The following PARP10 variants were observed in gnomAD, a reference collection of about 807,000 sequenced individuals.
PARP10 encodes protein mono-ADP-ribosyltransferase PARP10.
Under a neutral mutation model 82.4 loss-of-function variants are expected in PARP10, and 56 were observed. The ratio of observed to expected loss-of-function variants is 0.68; its 90% CI spans 0.55 to 0.85. PARP10 has a LOEUF of 0.85. PARP10 is among the 40% of genes least tolerant of loss of function. The pLI, the probability that PARP10 is intolerant of heterozygous loss-of-function variation, is 0.00. For synonymous variants in PARP10, 576 were observed against 601.1 expected (o/e 0.96, Z 0.61); for missense variants, 1,227 against 1,379.4 (o/e 0.89, Z 1.75).
In PARP10 at chr8:144,008,275, G is replaced by C. The variant is rs891932066; in HGVS notation, c.-80+4255C>G. ...CAGGTGGATGGAACAGAGGGCTCCC[G>C]GCTGCAGGCCCCCATTCTTCGGCAA... is the stretch of plus-strand genomic sequence containing the variant. On this transcript the variant is annotated intron_variant, in intron 1 of 3. Transcript: ENST00000530478. This position sits in a 1 kb window ranked among gnomAD's most constrained non-coding sequence, Gnocchi z 4.0. Among the ~76,000 whole-genome samples, 5 of 152,198 alleles carry C rather than the reference G, an allele frequency of 3.3e-5. No homozygotes were observed. Among genetic ancestry groups the C allele is most frequent in the African/African-American group, 1.2e-4 (5 of 41,454 alleles).
chr8:143,982,806 A>C (rs1454948106), intron 9 of PARP10, 126 bp downstream of exon 9: 7 of 1,442,188 alleles, frequency 4.9e-6, no homozygotes, highest in Non-Finnish European at 6.6e-6. Flanking sequence ...CAGGGCTGGG[A>C]GCCTGTCAGC....
upstream of PARP10, chr8:143,992,341 G>A (rs782756132): frequency 5.7e-6 from 9 of 1,591,852 alleles, no homozygotes; most frequent in South Asian, 2.3e-5. Flanking sequence ...CACCACAGCC[G>A]TCTGCTTCAC....
At chr8:144,001,917 G>T (rs28564142) in intron 1 of PARP10, among the ~76,000 whole-genome samples, 4,764 of 141,922 alleles carry the variant, frequency 0.034, 282 homozygotes, top group African/African-American at 0.14. Context: ...TGTATTCTCA[G>T]TGTTAATTTT....
intron 1 of PARP10, among the ~76,000 whole-genome samples, chr8:144,005,886 C>T (rs898731731): frequency 6.6e-6 from 1 of 152,212 alleles, no homozygotes; most frequent in Non-Finnish European, 1.5e-5. Flanking sequence ...CCTCCACCTT[C>T]CGCACGGAGC....
At chr8:144,010,932 AT>A (rs1388682706) in intron 1 of PARP10, among the ~76,000 whole-genome samples, 2 of 152,020 alleles carry the variant, frequency 1.3e-5, no homozygotes, top group Admixed American at 6.5e-5. Context: ...AAAAAAATAA[AT>A]TTTTAAAAAG....
chr8:143,994,215 C>T (rs1051572112), upstream of PARP10, among the ~76,000 whole-genome samples: 15 of 152,234 alleles, frequency 9.9e-5, no homozygotes, highest in African/African-American at 2.7e-4. Flanking sequence ...CCTCTGTGTA[C>T]GAAGCCAGCA....
upstream of PARP10, chr8:143,991,419 C>G: frequency 7.2e-7 from 1 of 1,387,564 alleles, no homozygotes; most frequent in Non-Finnish European, 9.6e-7. Flanking sequence ...CCCCTACCCC[C>G]AAGGGGGCTA....
intron 1 of PARP10, among the ~76,000 whole-genome samples, chr8:144,004,836 A>G (rs1240801533): frequency 6.6e-6 from 1 of 152,140 alleles, no homozygotes; most frequent in African/African-American, 2.4e-5. Flanking sequence ...CAAGGCACAG[A>G]CTGGGAGCAG....
rs1193454625 is a variant in PARP10, at chr8:144,012,028, A to G, written c.-80+502T>C. 7.2e-5 allele frequency among the ~76,000 whole-genome samples: 11 copies of G among 152,322 alleles called. No individual in the cohort carries two copies. In the East Asian group the frequency reaches 2.1e-3, roughly 29 times the overall value. On this transcript the variant is annotated intron_variant, in intron 1 of 3. Transcript: ENST00000530478. The stretch of plus-strand genomic sequence containing the variant: ...TTCAACAAATATTTACTGTTTACCT[A>G]CAAACATTGTGCCAAGCCCTGTGCT...
At chr8:144,005,851 C>G (rs1190852804) in intron 1 of PARP10, among the ~76,000 whole-genome samples, 2 of 152,022 alleles carry the variant, frequency 1.3e-5, no homozygotes, top group African/African-American at 4.8e-5. Flanking sequence ...CCAGACAGCC[C>G]CCTCCGCTCT....
At chr8:144,004,343 G>C (rs1834221443) in intron 1 of PARP10, among the ~76,000 whole-genome samples, 1 of 152,164 alleles carries the variant, frequency 6.6e-6, no homozygotes, top group East Asian at 1.9e-4. Flanking sequence ...ACTGCGGGGA[G>C]GGGAAAGCAG....
Position 143,983,242 on chromosome 8 carries a change from G to A in PARP10, c.2347C>T (p.Arg783Cys), listed in dbSNP as rs781999070. Residue 783 changes from arginine to cysteine, a missense_variant, in exon 8 of 11, where the codon CGC (arginine) becomes TGC (cysteine). By Grantham distance (180) the Arg-to-Cys change is radical. Coordinates refer to ENST00000313028, the MANE Select transcript of PARP10 (RefSeq NM_032789.5). ...GFGAHPARAA[R>C]HLVALLAGPW... The stretch of plus-strand genomic sequence containing the variant: ...CCAGCCAGAAGTGCCACCAAGTGGC[G>A]GGCAGCACGGGCAGGGTGGGCCCCG... 5.6e-6 allele frequency: 9 copies of A among 1,613,210 alleles called. No homozygotes were observed. The East Asian group carries it at 6.7e-5, about 12-fold the overall frequency.
intron 1 of PARP10, among the ~76,000 whole-genome samples, chr8:144,002,959 T>G (rs782616033): frequency 2.6e-5 from 4 of 152,148 alleles, no homozygotes; most frequent in Non-Finnish European, 4.4e-5. Flanking sequence ...CTGGGAGAGA[T>G]ATTCATAACA....
Position 143,983,090 on chromosome 8 carries a change from G to T in PARP10, c.2423-25C>A, listed in dbSNP as rs573485421. ...ACTGATGCATGGGGAAAAGCGGGGG[G>T]TCAGAGCCATGCCTGGGGCACTAGC... On this transcript the variant is annotated intron_variant, in intron 8 of 10. Coordinates refer to ENST00000313028, the MANE Select transcript of PARP10 (RefSeq NM_032789.5). The T allele has an allele frequency of 1.2e-5, 20 of 1,613,800 alleles. No individual in the cohort carries two copies. In the South Asian group the frequency reaches 1.9e-4, roughly 15 times the overall value.
Position 143,985,902 on chromosome 8 carries a change from T to A in PARP10, c.255A>T (p.Pro85=), listed in dbSNP as rs782433513. 27 of 1,583,092 alleles carry A rather than the reference T, an allele frequency of 1.7e-5. No individual in the cohort carries two copies. In the South Asian group the frequency reaches 2.8e-4, roughly 17 times the overall value. ...GAQLSLRPAP[P]RAPARLLLQG... ...GGAGCAGCAGGCGTGCAGGGGCTCG[T>A]GGTGGAGCTGGCCGCAGGCTCAGCT... The change falls in exon 3 of 11, where the codon CCA becomes CCT. Residue 85 remains proline, a synonymous_variant. Coordinates refer to ENST00000313028, the MANE Select transcript of PARP10 (RefSeq NM_032789.5).
chr8:144,000,073 A>T (rs1243703461), intron 1 of PARP10, among the ~76,000 whole-genome samples: 3 of 152,212 alleles, frequency 2.0e-5, no homozygotes, highest in African/African-American at 4.8e-5. Context: ...CATAAAAAGA[A>T]GGTTATGCTC....
chr8:143,983,047 T>C lies in PARP10; in HGVS notation c.2441A>G (p.Lys814Arg). The change falls in exon 9 of 11, where the codon AAG becomes AGG. Residue 814 changes from lysine to arginine, a missense_variant. Physicochemically the swap from Lys to Arg is conservative, Grantham distance 26. Transcript: ENST00000313028. ...ACGCTCCAGGTTGTTCCAGGGCCCCTTCAGCGTCTGCCCCGCCACTGATGC... is the reference window on the plus strand; with the variant it reads ...ACGCTCCAGGTTGTTCCAGGGCCCCCTCAGCGTCTGCCCCGCCACTGATGC... ...SGPTLAGQTL[K>R]GPWNNLERLA... 1 of 1,613,604 alleles carries C rather than the reference T, an allele frequency of 6.2e-7. No individual in the cohort carries two copies. The highest frequency in any genetic ancestry group is 8.5e-7 in the Non-Finnish European group (1 of 1,179,892).
At chr8:143,983,975 C>T (rs1833925521) in intron 7 of PARP10, 33 bp downstream of exon 7, 2 of 1,493,632 alleles carry the variant, frequency 1.3e-6, no homozygotes, top group Non-Finnish European at 1.8e-6. Flanking sequence ...GTGAGGGCCA[C>T]AGGATGTGCT....
intron 9 of PARP10, 24 bp downstream of exon 9, chr8:143,982,908 C>T: frequency 6.2e-7 from 1 of 1,611,348 alleles, no homozygotes; most frequent in Non-Finnish European, 8.5e-7. Flanking sequence ...GCCATGAGGC[C>T]AGAGAGACAG....
Sources: allele counts gnomAD v4.1 joint callset (sites outside exome capture counted in the v4.1 genomes callset), GRCh38; gene constraint gnomAD v4.1.1; non-coding constraint Gnocchi (gnomAD v3.1); transcripts MANE v1.5; gene names NCBI Gene and HGNC (gene_info 2026-07-23, HGNC 2026-07-21).